ENTREP2: variants seen among roughly 807,000 people sequenced by gnomAD.
The protein encoded by ENTREP2 is endosomal transmembrane epsin interactor 2.
the ENTREP2 span, among the ~76,000 whole-genome samples, chr15:29,311,058 C>A: frequency 1.3e-5 from 2 of 150,326 alleles, no homozygotes; most frequent in Admixed American, 6.6e-5. Flanking sequence ...ATGAAGAGGA[C>A]CCGTAAGGAG....
chr15:29,535,960 G>C, the ENTREP2 span, among the ~76,000 whole-genome samples: 10 of 152,132 alleles, frequency 6.6e-5, no homozygotes, highest in Admixed American at 2.6e-4. Context: ...CCAAAGGCAG[G>C]GAGGCAGACC....
At chr15:29,622,467 C>A in the ENTREP2 span, among the ~76,000 whole-genome samples, 1 of 152,232 alleles carries the variant, frequency 6.6e-6, no homozygotes, top group Non-Finnish European at 1.5e-5. Context: ...CTCGGCCTCC[C>A]AAAGTGCTAA....
At chr15:29,372,872 A>C in the ENTREP2 span, among the ~76,000 whole-genome samples, 1 of 152,164 alleles carries the variant, frequency 6.6e-6, no homozygotes, top group East Asian at 1.9e-4. Context: ...GAAATACTGA[A>C]TCGTTCAAAA....
At chr15:29,653,329 G>C in the ENTREP2 span, among the ~76,000 whole-genome samples, 2 of 152,058 alleles carry the variant, frequency 1.3e-5, no homozygotes, top group Non-Finnish European at 2.9e-5. Flanking sequence ...CTTGTTTCTT[G>C]CTTCTGTCTC....
the ENTREP2 span, among the ~76,000 whole-genome samples, chr15:29,380,146 C>A: frequency 1.4e-4 from 21 of 152,154 alleles, no homozygotes; most frequent in Admixed American, 1.4e-3. Flanking sequence ...GAGGAGTACA[C>A]AGGGGTTCAT....
chr15:29,403,730 G>A, the ENTREP2 span, among the ~76,000 whole-genome samples: 6 of 152,218 alleles, frequency 3.9e-5, no homozygotes, highest in South Asian at 1.0e-3. Flanking sequence ...TTTTTCCCAG[G>A]ACCAACCTGT....
chr15:29,430,352 T>A, the ENTREP2 span, among the ~76,000 whole-genome samples: 1 of 152,010 alleles, frequency 6.6e-6, no homozygotes, highest in East Asian at 1.9e-4. Flanking sequence ...TATGAAATGG[T>A]TTCCTTATTT....
chr15:29,404,168 C>T, the ENTREP2 span, among the ~76,000 whole-genome samples: 2 of 152,038 alleles, frequency 1.3e-5, no homozygotes. Context: ...CATCCAGTGC[C>T]GCCCACTCCC....
the ENTREP2 span, among the ~76,000 whole-genome samples, chr15:29,184,059 C>T: frequency 6.6e-6 from 1 of 152,044 alleles, no homozygotes; most frequent in African/African-American, 2.4e-5. Flanking sequence ...TGGCTTACTG[C>T]ATGCAGCCTC....
chr15:29,667,406 T>C, the ENTREP2 span, among the ~76,000 whole-genome samples: 4 of 151,228 alleles, frequency 2.6e-5, no homozygotes, highest in Non-Finnish European at 5.9e-5. Flanking sequence ...GCCAGGATGG[T>C]CTCAATCTCC....
the ENTREP2 span, among the ~76,000 whole-genome samples, chr15:29,566,658 T>C: frequency 2.0e-5 from 3 of 152,150 alleles, no homozygotes; most frequent in Non-Finnish European, 4.4e-5. Flanking sequence ...GGTTTCGCCA[T>C]GTGGGCCAGG....
chr15:29,493,157 G>A, the ENTREP2 span, among the ~76,000 whole-genome samples: 8 of 71,546 alleles, frequency 1.1e-4, no homozygotes, highest in Admixed American at 4.5e-4. Context: ...TTTTTGAGAC[G>A]GAGTCTCGCT....
the ENTREP2 span, among the ~76,000 whole-genome samples, chr15:29,512,757 C>T: frequency 6.6e-6 from 1 of 152,206 alleles, no homozygotes; most frequent in Non-Finnish European, 1.5e-5. Context: ...TAAATGTCTA[C>T]TGTTTAAGCC....
chr15:29,273,620 A>T, the ENTREP2 span, among the ~76,000 whole-genome samples: 1 of 152,194 alleles, frequency 6.6e-6, no homozygotes, highest in Admixed American at 6.5e-5. Context: ...TTAACATTTC[A>T]GTAAGTGGAC....
At chr15:29,565,212 A>C in the ENTREP2 span, among the ~76,000 whole-genome samples, 1 of 152,214 alleles carries the variant, frequency 6.6e-6, no homozygotes, top group Admixed American at 6.5e-5. Context: ...TGAAATTAAT[A>C]AAAATGCTCA....
At chr15:29,126,599 G>T in the ENTREP2 span, 2 of 943,428 alleles carry the variant, frequency 2.1e-6, no homozygotes, top group South Asian at 1.6e-5. Context: ...AAACCCTGGG[G>T]GTGCGGAAAC....
the ENTREP2 span, among the ~76,000 whole-genome samples, chr15:29,285,964 A>G: frequency 6.6e-6 from 1 of 152,240 alleles, no homozygotes; most frequent in South Asian, 2.1e-4. Flanking sequence ...TCCCCCAAAA[A>G]AGAAAAGTCA....
the ENTREP2 span, among the ~76,000 whole-genome samples, chr15:29,433,558 C>G: frequency 1.8e-4 from 27 of 152,240 alleles, no homozygotes; most frequent in Non-Finnish European, 2.5e-4. Context: ...TCTTTCAAGC[C>G]AAGATGAAAT....
chr15:29,517,291 C>T, the ENTREP2 span, among the ~76,000 whole-genome samples: 1 of 152,128 alleles, frequency 6.6e-6, no homozygotes, highest in African/African-American at 2.4e-5. Flanking sequence ...ATTATAATAA[C>T]TCAACTGTTA....
Sources: gnomAD v4.1 joint callset for allele counts (sites outside exome capture counted in the v4.1 genomes callset) on GRCh38, gnomAD v4.1.1 for gene constraint, MANE v1.5 for transcripts, NCBI Gene and HGNC (gene_info 2026-07-23, HGNC 2026-07-21) for gene names.